Variants in MYO5B observed in about 807,000 individuals in gnomAD.
The protein encoded by MYO5B is myosin VB.
MYO5B carries 143 observed loss-of-function variants against 229.3 expected under a neutral mutation model. The observed-to-expected ratio is 0.62, with a 90% CI of 0.54 to 0.72. The LOEUF (loss-of-function observed/expected upper bound fraction) is 0.72, where lower values mean the gene tolerates loss of function less well. Ranked by LOEUF, MYO5B falls within the 30% of genes least tolerant of loss-of-function variation. MYO5B has a pLI of 0.00. For synonymous variants in MYO5B, 918 were observed against 885.2 expected (o/e 1.04, Z -0.66); for missense variants, 2,321 against 2,331.0 (o/e 1.00, Z 0.09).
intron 1 of MYO5B, among the ~76,000 whole-genome samples, chr18:50,084,719 C>T (rs182665715): frequency 1.9e-4 from 29 of 152,072 alleles, no homozygotes; most frequent in East Asian, 5.8e-4. Context: ...AACAGAGACA[C>T]AGATCAATGG....
intron 21 of MYO5B, among the ~76,000 whole-genome samples, chr18:49,901,881 AT>A (rs2024845579): frequency 6.6e-6 from 1 of 152,158 alleles, no homozygotes. Context: ...GGGGATGGTA[AT>A]ACTTGCCGTA....
chr18:49,894,090 T>C (rs1157245508), intron 22 of MYO5B, among the ~76,000 whole-genome samples: 2 of 152,216 alleles, frequency 1.3e-5, no homozygotes, highest in African/African-American at 4.8e-5. Context: ...ATCTGGGGAC[T>C]CCAAGGTCTA....
At chr18:49,959,725 T>C (rs2025535992) in intron 12 of MYO5B, among the ~76,000 whole-genome samples, 1 of 152,172 alleles carries the variant, frequency 6.6e-6, no homozygotes, top group Admixed American at 6.5e-5. Flanking sequence ...AGGTTGCCTG[T>C]TCCTCTGAGA....
intron 4 of MYO5B, among the ~76,000 whole-genome samples, chr18:50,016,396 A>G (rs2026215928): frequency 2.0e-5 from 3 of 152,190 alleles, no homozygotes; most frequent in East Asian, 1.9e-4. Flanking sequence ...AAAAAGGTAG[A>G]TTTATTTCCA....
At chr18:49,974,229 A>G in intron 10 of MYO5B, 121 bp downstream of exon 10, 1 of 1,463,748 alleles carries the variant, frequency 6.8e-7, no homozygotes, top group Non-Finnish European at 9.5e-7. Flanking sequence ...GGCCCCACAC[A>G]TTTTAAACTG....
At chr18:50,061,463 C>G (rs1439204878) in intron 1 of MYO5B, among the ~76,000 whole-genome samples, 1 of 152,066 alleles carries the variant, frequency 6.6e-6, no homozygotes, top group African/African-American at 2.4e-5. Flanking sequence ...TAAGGTGGTC[C>G]ATGTTACTGG....
intron 1 of MYO5B, among the ~76,000 whole-genome samples, chr18:50,067,159 A>T: frequency 6.6e-6 from 1 of 152,220 alleles, no homozygotes; most frequent in East Asian, 1.9e-4. Context: ...GGAAGGGGGA[A>T]TTCATCTTAA....
intron 1 of MYO5B, among the ~76,000 whole-genome samples, chr18:50,150,577 G>GC (rs1216112843): frequency 6.6e-6 from 1 of 151,580 alleles, no homozygotes; most frequent in Non-Finnish European, 1.5e-5. Context: ...GTAAACTATC[G>GC]CAAGAACAAA....
chr18:49,892,461 C>G (rs1003092085), intron 22 of MYO5B, among the ~76,000 whole-genome samples: 1 of 152,166 alleles, frequency 6.6e-6, no homozygotes, highest in Non-Finnish European at 1.5e-5. Context: ...AGTTCCAATA[C>G]GACACTCGCT....
intron 1 of MYO5B, among the ~76,000 whole-genome samples, chr18:50,083,370 C>T (rs2031262286): frequency 6.6e-6 from 1 of 152,168 alleles, no homozygotes; most frequent in East Asian, 1.9e-4. Context: ...AGAGGTCAAG[C>T]AGTGGGACAA....
chr18:49,834,331 A>C (rs2023960255), intron 39 of MYO5B, among the ~76,000 whole-genome samples: 1 of 152,148 alleles, frequency 6.6e-6, no homozygotes, highest in Non-Finnish European at 1.5e-5. Context: ...GTTTTGTGTC[A>C]ATATCCCTTC....
intron 4 of MYO5B, among the ~76,000 whole-genome samples, chr18:50,011,146 T>C (rs1409907472): frequency 6.6e-6 from 1 of 152,100 alleles, no homozygotes; most frequent in African/African-American, 2.4e-5. Flanking sequence ...ATCGAGACCA[T>C]CCTGGCTAAC....
At chr18:50,163,785 C>T (rs2032804637) in intron 1 of MYO5B, among the ~76,000 whole-genome samples, 1 of 152,208 alleles carries the variant, frequency 6.6e-6, no homozygotes, top group South Asian at 2.1e-4. Context: ...CTGGCCCCTC[C>T]CATGCCTGCC....
chr18:49,943,521 T>C (rs1202171660), intron 14 of MYO5B, among the ~76,000 whole-genome samples: 18 of 152,208 alleles, frequency 1.2e-4, no homozygotes, highest in East Asian at 1.9e-4. Flanking sequence ...CCGATATTTG[T>C]ATTAGGTACT....
At chr18:50,142,929 C>T (rs936545671) in intron 1 of MYO5B, among the ~76,000 whole-genome samples, 1 of 152,136 alleles carries the variant, frequency 6.6e-6, no homozygotes, top group African/African-American at 2.4e-5. Flanking sequence ...AGGAAAACAC[C>T]TAAGAATGGA....
At chr18:50,176,792 T>C (rs765581253) in intron 1 of MYO5B, among the ~76,000 whole-genome samples, 27 of 152,236 alleles carry the variant, frequency 1.8e-4, no homozygotes, top group Non-Finnish European at 3.8e-4. Context: ...GCACTATCCT[T>C]TTCTAAAGGC....
chr18:49,886,116 T>C (rs2187099), intron 22 of MYO5B, among the ~76,000 whole-genome samples: 87,392 of 151,818 alleles, frequency 0.58, 25,366 homozygotes, highest in Middle Eastern at 0.67. Context: ...ATTTTTGTAT[T>C]TTTAGTATAG....
At chr18:49,859,164 C>G (rs892810461) in intron 29 of MYO5B, among the ~76,000 whole-genome samples, 1 of 152,184 alleles carries the variant, frequency 6.6e-6, no homozygotes, top group Admixed American at 6.5e-5. Context: ...GTAATGAGCC[C>G]GTGGCCCGGG....
intron 19 of MYO5B, among the ~76,000 whole-genome samples, chr18:49,905,552 G>T (rs1187980408): frequency 2.6e-5 from 4 of 152,198 alleles, no homozygotes; most frequent in Non-Finnish European, 4.4e-5. Context: ...CCTCAAAGGA[G>T]AAAGTGACCC....
Sources: allele counts gnomAD v4.1 joint callset (sites outside exome capture counted in the v4.1 genomes callset), GRCh38; gene constraint gnomAD v4.1.1; transcripts MANE v1.5; gene names NCBI Gene and HGNC (gene_info 2026-07-23, HGNC 2026-07-21).